The following VPS36 variants were observed in gnomAD, a reference collection of about 807,000 sequenced individuals.
VPS36 encodes vacuolar protein-sorting-associated protein 36.
VPS36 carries 31 observed loss-of-function variants against 63.5 expected under a neutral mutation model. The ratio of observed to expected loss-of-function variants is 0.49; its 90% confidence interval spans 0.37 to 0.66. The LOEUF (loss-of-function observed/expected upper bound fraction) is 0.66. Among genes scored for constraint, VPS36 ranks in the 30% least tolerant of loss-of-function variants. The pLI is 0.00. For synonymous variants in VPS36, 138 were observed against 157.2 expected (o/e 0.88, Z 0.91); for missense variants, 338 against 463.7 (o/e 0.73, Z 2.49).
intron 10 of VPS36, among the ~76,000 whole-genome samples, chr13:52,422,948 C>T (rs1298713751): frequency 6.6e-6 from 1 of 152,070 alleles, no homozygotes; most frequent in Non-Finnish European, 1.5e-5. Flanking sequence ...GCGGGTCTTT[C>T]CTGTGCTGTT....
At chr13:52,424,353 C>T (rs575705100) in intron 9 of VPS36, among the ~76,000 whole-genome samples, 1 of 151,810 alleles carries the variant, frequency 6.6e-6, no homozygotes, top group Admixed American at 6.6e-5. Flanking sequence ...GTTAACATCA[C>T]AAAAAATTTT....
chr13:52,416,940 G>T, intron 12 of VPS36, 117 bp downstream of exon 12: 2 of 810,276 alleles, frequency 2.5e-6, no homozygotes, highest in Non-Finnish European at 3.9e-6. Flanking sequence ...ATTTGGGTGT[G>T]TGAATGTTAC....
intron 5 of VPS36, 35 bp downstream of exon 5, chr13:52,434,758 G>A (rs780373844): frequency 6.3e-7 from 1 of 1,579,440 alleles, no homozygotes; most frequent in Non-Finnish European, 8.7e-7. Context: ...GTACAGAGTT[G>A]AAAATACTGG....
At chr13:52,429,329 C>G (rs1365673872) in intron 6 of VPS36, 1 of 982,340 alleles carries the variant, frequency 1.0e-6, no homozygotes, top group African/African-American at 1.7e-5. Context: ...ATATTCCATT[C>G]CCTTTTCCTG....
intron 1 of VPS36, among the ~76,000 whole-genome samples, chr13:52,449,398 C>G (rs1958377326): frequency 6.6e-6 from 1 of 152,034 alleles, no homozygotes; most frequent in Admixed American, 6.5e-5. Context: ...AAGTTAGGTC[C>G]AAGCAAATTA....
intron 6 of VPS36, 76 bp from the exon 7 acceptor site, chr13:52,427,295 T>C (rs1262433012): frequency 1.3e-6 from 2 of 1,526,016 alleles, no homozygotes; most frequent in Non-Finnish European, 1.8e-6. Context: ...GCACCCTCTA[T>C]TTTTTCCCCA....
At chr13:52,445,798 G>GGT (rs1958333218) in intron 1 of VPS36, among the ~76,000 whole-genome samples, 1 of 139,298 alleles carries the variant, frequency 7.2e-6, no homozygotes, top group Admixed American at 7.4e-5. Context: ...AAAATAGCCG[G>GGT]GTGTGGTAGC....
rs1958181718 is a variant in VPS36 at position 52,433,534 on chromosome 13, T to G, written c.528+128A>C. 3 of 766,554 alleles carry G rather than the reference T, an allele frequency of 3.9e-6. No homozygotes were observed. In the East Asian group the frequency reaches 8.1e-5, roughly 21 times the overall value. The allele number at this position is 766,554 out of a possible 1,614,324, so 47.5% of individuals were successfully genotyped here. ...CCCGAGGTAGACCTGTTAAAGAGAA[T>G]AGGAGACTATGTAGCTTCAGGCAAA... On this transcript the variant is annotated intron_variant, in intron 6 of 13. Coordinates refer to ENST00000378060, the MANE Select transcript of VPS36 (RefSeq NM_016075.4).
intron 10 of VPS36, among the ~76,000 whole-genome samples, chr13:52,422,679 G>T (rs1031302505): frequency 6.6e-6 from 1 of 152,178 alleles, no homozygotes; most frequent in African/African-American, 2.4e-5. Flanking sequence ...GCACTAGTTT[G>T]TTAAGGATAA....
intron 1 of VPS36, among the ~76,000 whole-genome samples, chr13:52,448,568 T>C (rs1264829168): frequency 6.6e-6 from 1 of 152,256 alleles, no homozygotes; most frequent in Admixed American, 6.5e-5. Context: ...GTTTTCCCCA[T>C]GATTTGTTTC....
At chr13:52,442,236 G>A (rs142860524) in intron 2 of VPS36, 141 bp downstream of exon 2, 16 of 566,110 alleles carry the variant, frequency 2.8e-5, no homozygotes, top group African/African-American at 2.0e-4. Context: ...CTGTAGCCCC[G>A]GCTACTCGGG....
chr13:52,426,077 AAAG>A lies in VPS36; in HGVS notation c.640-14_640-12del. 12 of 1,605,862 alleles carry A rather than the reference AAAG, an allele frequency of 7.5e-6. No individual in the cohort carries two copies. The highest frequency in any genetic ancestry group is 1.3e-5 in the African/African-American group (1 of 74,504). ...TTTAAACCTGATGGTCTATAATAAAAAAGGAGAAAATGCAGAATTAGTCTCTCC... is the reference window on the plus strand; with the variant it reads ...TTTAAACCTGATGGTCTATAATAAAAGAGAAAATGCAGAATTAGTCTCTCC... On this transcript the variant is annotated splice_polypyrimidine_tract_variant and intron_variant, in intron 8 of 13. Transcript: ENST00000378060.
chr13:52,426,064 G>T lies in VPS36; in HGVS notation c.642C>A (p.Thr214=). 3.7e-6 allele frequency: 6 copies of T among 1,607,396 alleles called. No individual in the cohort carries two copies. Among genetic ancestry groups the T allele is most frequent in the Non-Finnish European group, 5.1e-6 (6 of 1,178,338 alleles). The change falls in exon 9 of 14, where the codon ACC becomes ACA. Residue 214 remains threonine, a splice_region_variant and synonymous_variant. Coordinates refer to ENST00000378060, the MANE Select transcript of VPS36 (RefSeq NM_016075.4). ...TCAGCAAGTAGGATTTAAACCTGATGGTCTATAATAAAAAAGGAGAAAATG... is the reference window on the plus strand; with the variant it reads ...TCAGCAAGTAGGATTTAAACCTGATTGTCTATAATAAAAAAGGAGAAAATG... The part of the protein sequence containing the change: ...DKQGDITEDE[T]IRFKSYLLSM...
intron 6 of VPS36, among the ~76,000 whole-genome samples, chr13:52,431,762 CAAAAAAAAA>C (rs60968712): frequency 0.019 from 1,320 of 68,124 alleles, 22 homozygotes; most frequent in African/African-American, 0.063. Flanking sequence ...GACTCTGTCT[CAAAAAAAAA>C]AAAAAAAAAA....
intron 1 of VPS36, among the ~76,000 whole-genome samples, chr13:52,444,365 C>T (rs1460335869): frequency 3.3e-5 from 5 of 151,768 alleles, no homozygotes; most frequent in Non-Finnish European, 5.9e-5. Context: ...GAGGCTGAGG[C>T]AGGAGAATGG....
intron 12 of VPS36, among the ~76,000 whole-genome samples, chr13:52,416,708 T>C (rs1426867487): frequency 6.6e-6 from 1 of 152,226 alleles, no homozygotes; most frequent in East Asian, 1.9e-4. Context: ...ATCAAGCTGC[T>C]TATGTAGGTG....
chr13:52,424,592 A>G lies in VPS36; in HGVS notation c.775-953T>C, dbSNP rs1437506808. The stretch of plus-strand genomic sequence containing the variant: ...GGTGGGAGGTAAGAGGCAGGAGAAG[A>G]AAGAACCCATGAAATTAAAAACAAA... On this transcript the variant is annotated intron_variant, in intron 9 of 13. Transcript: ENST00000378060. 2.0e-5 allele frequency among the ~76,000 whole-genome samples: 3 copies of G among 152,280 alleles called. No homozygotes were observed. In the East Asian group the frequency reaches 5.8e-4, roughly 29 times the overall value.
Position 52,421,250 on chromosome 13 carries a change from A to G in VPS36, c.840+2324T>C, listed in dbSNP as rs187018571. ...GATGAACCTGGAGGATATTATGTTA[A>G]GTGAAATAAGCCAGACATAGCAAGA... On this transcript the variant is annotated intron_variant, in intron 10 of 13. Coordinates refer to ENST00000378060, the MANE Select transcript of VPS36 (RefSeq NM_016075.4). 2.0e-3 allele frequency among the ~76,000 whole-genome samples: 303 copies of G among 152,330 alleles called. 2 individuals carry two copies. The highest frequency in any genetic ancestry group is 6.7e-3 in the African/African-American group (278 of 41,578).
chr13:52,432,268 G>A lies in VPS36; in HGVS notation c.528+1394C>T, dbSNP rs149378674. ...CGGGAGGCTGAGGCAGGAGAATGGC[G>A]TGAACCTGGGAGGCAGAGCTTGCAG... On this transcript the variant is annotated intron_variant, in intron 6 of 13. Coordinates refer to ENST00000378060, the MANE Select transcript of VPS36 (RefSeq NM_016075.4). Among the ~76,000 whole-genome samples the A allele has an allele frequency of 7.5e-3, 1,139 of 151,978 alleles. 18 individuals are homozygous for A. Among genetic ancestry groups the A allele is most frequent in the African/African-American group, 0.026 (1,095 of 41,446 alleles).
Sources: gnomAD v4.1 joint callset for allele counts (sites outside exome capture counted in the v4.1 genomes callset) on GRCh38, gnomAD v4.1.1 for gene constraint, MANE v1.5 for transcripts, NCBI Gene and HGNC (gene_info 2026-07-23, HGNC 2026-07-21) for gene names.